DEPTOR: variants seen among roughly 807,000 people sequenced by gnomAD.
DEPTOR encodes the protein DEP domain containing MTOR interacting protein, also known as DEP domain-containing mTOR-interacting protein.
A neutral mutation model predicts 41.6 loss-of-function variants in DEPTOR; 41 were observed. That is an observed-to-expected ratio of 0.98 (90% confidence interval 0.77 to 1.28). The LOEUF (loss-of-function observed/expected upper bound fraction) is 1.28, where lower values mean the gene tolerates loss of function less well. DEPTOR is among the 50% of genes most tolerant of loss of function. The pLI is 0.00. For missense variants in DEPTOR, 514 were observed against 527.9 expected, an observed-to-expected ratio of 0.97 and a Z score of 0.26; for synonymous variants, 195 against 192.3, an observed-to-expected ratio of 1.01 and a Z score of -0.12.
intron 1 of DEPTOR, 152 bp downstream of exon 1, chr8:119,874,120 C>G (rs536408740): frequency 1.6e-6 from 2 of 1,280,916 alleles, no homozygotes; most frequent in African/African-American, 3.2e-5. Flanking sequence ...TCGGTGCGCC[C>G]GCGCTTAGCT....
At position 119,952,854 on chromosome 8, in the gene DEPTOR, G is replaced by C. The variant is rs776291291; in HGVS notation, c.426-12378G>C. On this transcript the variant is annotated intron_variant, in intron 3 of 8. Coordinates refer to ENST00000286234, the MANE Select transcript of DEPTOR (RefSeq NM_022783.4). ...GTATGTTCTATTCAGTGTCTGATAT[G>C]CAGGCTGGTGAAGGAGGGTAGAAGA... 5.7e-4 allele frequency among the ~76,000 whole-genome samples: 87 copies of C among 152,198 alleles called. 3 individuals are homozygous for C. The highest frequency in any genetic ancestry group is 1.6e-4 in the Non-Finnish European group (11 of 68,036).
intron 1 of DEPTOR, among the ~76,000 whole-genome samples, chr8:119,893,465 G>T (rs1827476021): frequency 6.6e-6 from 1 of 152,150 alleles, no homozygotes; most frequent in Admixed American, 6.6e-5. Context: ...TCTATCTGTA[G>T]TCTATGATTT....
intron 3 of DEPTOR, among the ~76,000 whole-genome samples, chr8:119,946,949 T>A (rs1828287006): frequency 6.6e-6 from 1 of 152,150 alleles, no homozygotes; most frequent in Admixed American, 6.6e-5. Flanking sequence ...TTCTGGCCAG[T>A]TCAGACTGTC....
chr8:119,973,970 C>G (rs778381732), intron 4 of DEPTOR, among the ~76,000 whole-genome samples: 17 of 152,026 alleles, frequency 1.1e-4, no homozygotes, highest in Non-Finnish European at 1.6e-4. Context: ...GCAAAGGAAG[C>G]TAGAGGCCAC....
chr8:119,956,471 G>T (rs1284126197), intron 3 of DEPTOR, among the ~76,000 whole-genome samples: 3 of 152,156 alleles, frequency 2.0e-5, no homozygotes, highest in Non-Finnish European at 4.4e-5. Context: ...CAGATACTTA[G>T]TAGGAGCTCT....
At chr8:120,032,972 A>G (rs1315862474) in intron 8 of DEPTOR, among the ~76,000 whole-genome samples, 1 of 152,018 alleles carries the variant, frequency 6.6e-6, no homozygotes, top group Non-Finnish European at 1.5e-5. Flanking sequence ...GAATGGGGAG[A>G]ATGAATGTGA....
rs1563584602 is a variant in DEPTOR at position 119,991,058 on chromosome 8, C to CT, written c.605-10464dup. 6.1e-5 allele frequency among the ~76,000 whole-genome samples: 3 copies of CT among 49,484 alleles called. No individual in the cohort carries two copies. The South Asian group carries it at 1.6e-3, about 27-fold the overall frequency. 32.5% of individuals were successfully genotyped at this position (49,484 alleles called of 152,430 possible). A position where few individuals can be genotyped will look rare whatever the true frequency, so the allele number is the denominator to read the frequency against. On this transcript the variant is annotated intron_variant, in intron 4 of 8. Coordinates refer to ENST00000286234, the MANE Select transcript of DEPTOR (RefSeq NM_022783.4). Reference sequence around the variant, plus strand: ...TCTTTCTTTCTTTCTTTCTTTCTTTCTTTCTTTCTTTCTTTCTTTCTTTCT... The same window carrying CT: ...TCTTTCTTTCTTTCTTTCTTTCTTTCTTTTCTTTCTTTCTTTCTTTCTTTCT...
intron 8 of DEPTOR, among the ~76,000 whole-genome samples, chr8:120,036,733 T>A (rs1280892238): frequency 6.6e-6 from 1 of 152,240 alleles, no homozygotes; most frequent in Non-Finnish European, 1.5e-5. Context: ...AAGCCAATCT[T>A]GACTCAGTTT....
chr8:119,885,557 T>A (rs560806375), intron 1 of DEPTOR, among the ~76,000 whole-genome samples: 4 of 152,308 alleles, frequency 2.6e-5, no homozygotes, highest in Admixed American at 6.5e-5. Flanking sequence ...TAGGTCGTCA[T>A]GAGAGAGGAT....
intron 4 of DEPTOR, among the ~76,000 whole-genome samples, chr8:119,981,530 A>G (rs113606130): frequency 0.052 from 7,874 of 151,790 alleles, 279 homozygotes; most frequent in African/African-American, 0.099. Context: ...GGTGGTGCAC[A>G]CCTGTAGTTC....
intron 4 of DEPTOR, among the ~76,000 whole-genome samples, chr8:119,975,180 C>A (rs1268454007): frequency 6.6e-6 from 1 of 151,828 alleles, no homozygotes; most frequent in East Asian, 1.9e-4. Context: ...AGGACATTTC[C>A]TTTACAGATG....
At chr8:119,971,001 C>T (rs987289454) in intron 4 of DEPTOR, among the ~76,000 whole-genome samples, 6 of 151,998 alleles carry the variant, frequency 3.9e-5, no homozygotes, top group East Asian at 1.9e-4. Flanking sequence ...GAGGCCAAGG[C>T]GGGCGGATCA....
At chr8:119,922,306 C>T in intron 1 of DEPTOR, among the ~76,000 whole-genome samples, 1 of 151,742 alleles carries the variant, frequency 6.6e-6, no homozygotes, top group Non-Finnish European at 1.5e-5. Context: ...GGAGCTAAAA[C>T]TCTTCTCTTG....
At position 120,032,211 on chromosome 8, in the gene DEPTOR, C is replaced by CT. The variant is rs60003356; in HGVS notation, c.1102-17340dup. On this transcript the variant is annotated intron_variant, in intron 8 of 8. Transcript: ENST00000286234. ...TTCATTCTAATATGACACTAACTTT[C>CT]TTTTTTTTTTTTTTTTTTTTTTTTT... Among the ~76,000 whole-genome samples the CT allele has an allele frequency of 2.7e-3, 324 of 120,840 alleles. 6 individuals are homozygous for CT. Among genetic ancestry groups the CT allele is most frequent in the East Asian group, 0.025 (105 of 4,232 alleles). The allele number at this position is 120,840 out of a possible 152,430, so 79.3% of individuals were successfully genotyped here.
At chr8:119,983,781 A>C (rs926080160) in intron 4 of DEPTOR, among the ~76,000 whole-genome samples, 1 of 151,906 alleles carries the variant, frequency 6.6e-6, no homozygotes, top group African/African-American at 2.4e-5. Context: ...CTTCTTTTTT[A>C]AAGCTATGAA....
intron 4 of DEPTOR, among the ~76,000 whole-genome samples, chr8:119,999,550 G>C (rs917988078): frequency 5.3e-5 from 8 of 151,924 alleles, no homozygotes; most frequent in Non-Finnish European, 1.0e-4. Context: ...CTTGAGCCCA[G>C]GAGTTCGAGG....
In DEPTOR at chr8:119,873,816, G is replaced by C. The variant is rs145714473; in HGVS notation, c.-31G>C. ...GCACCCAAACCCTCGGCGGACAGCG[G>C]AGCCAGTGGTAGCCGCACGGCCCTA... On this transcript the variant is annotated 5_prime_UTR_variant, in exon 1 of 9. Transcript: ENST00000286234. The C allele has an allele frequency of 3.1e-6, 5 of 1,607,316 alleles. No individual in the cohort carries two copies.
intron 8 of DEPTOR, among the ~76,000 whole-genome samples, chr8:120,022,157 T>TAA (rs34125548): frequency 0.011 from 1,055 of 93,720 alleles, 33 homozygotes; most frequent in Middle Eastern, 0.032. Flanking sequence ...GACCCCATCT[T>TAA]AAAAAAAAAA....
intron 8 of DEPTOR, among the ~76,000 whole-genome samples, chr8:120,041,730 G>T (rs914083064): frequency 1.3e-5 from 2 of 152,012 alleles, no homozygotes; most frequent in East Asian, 1.9e-4. Context: ...TAGAGACGGG[G>T]TTTCACCATG....
Sources: allele counts gnomAD v4.1 joint callset (sites outside exome capture counted in the v4.1 genomes callset), GRCh38; gene constraint gnomAD v4.1.1; transcripts MANE v1.5; gene names NCBI Gene and HGNC (gene_info 2026-07-23, HGNC 2026-07-21).